The following MCTP1 variants were observed in gnomAD, a reference collection of about 807,000 sequenced individuals.
The protein encoded by MCTP1 is multiple C2 and transmembrane domain containing 1.
A neutral mutation model predicts 120.6 loss-of-function variants in MCTP1; 69 were observed. The observed-to-expected ratio is 0.57, with a 90% CI of 0.47 to 0.70. The LOEUF is 0.70. Ranked by LOEUF, MCTP1 falls within the 30% of genes least tolerant of loss-of-function variation. MCTP1 has a pLI of 0.00. For missense variants in MCTP1, 1,203 were observed against 1,248.8 expected (o/e 0.96, Z 0.55); for synonymous variants, 529 against 493.1 (o/e 1.07, Z -0.96).
At chr5:94,709,926 ATT>A (rs1216762944) in intron 21 of MCTP1, 1 of 152,042 alleles carries the variant, frequency 6.6e-6, no homozygotes, top group Non-Finnish European at 1.5e-5. Context: ...ATTCCAACAT[ATT>A]TCTTCAAAAG....
At chr5:94,852,387 G>C (rs145484966) in intron 17 of MCTP1, among the ~76,000 whole-genome samples, 98 of 151,824 alleles carry the variant, frequency 6.5e-4, no homozygotes, top group Middle Eastern at 6.8e-3. Flanking sequence ...TTTAGCTGGG[G>C]CAAATAAATT....
At chr5:95,140,946 C>T (rs1019588336) in intron 1 of MCTP1, among the ~76,000 whole-genome samples, 8 of 151,064 alleles carry the variant, frequency 5.3e-5, no homozygotes, top group Non-Finnish European at 8.8e-5. Context: ...TTATGCATCC[C>T]TTCTATGATC....
At chr5:95,276,305 C>A (rs554961094) in intron 1 of MCTP1, among the ~76,000 whole-genome samples, 2 of 125,830 alleles carry the variant, frequency 1.6e-5, no homozygotes, top group East Asian at 5.3e-4. Flanking sequence ...GTCGCCCAGG[C>A]TGGAATGCAG....
chr5:95,218,445 G>C (rs1189563519), intron 1 of MCTP1, among the ~76,000 whole-genome samples: 1 of 152,086 alleles, frequency 6.6e-6, no homozygotes, highest in South Asian at 2.1e-4. Flanking sequence ...AGTAATCTGG[G>C]ACATCATTTT....
At chr5:95,110,464 C>A (rs1757374392) in intron 1 of MCTP1, among the ~76,000 whole-genome samples, 1 of 151,936 alleles carries the variant, frequency 6.6e-6, no homozygotes, top group Non-Finnish European at 1.5e-5. Flanking sequence ...CAGCACAGTT[C>A]CAATATGGAA....
At chr5:95,253,840 T>C (rs1235090140) in intron 1 of MCTP1, among the ~76,000 whole-genome samples, 3 of 152,086 alleles carry the variant, frequency 2.0e-5, no homozygotes, top group African/African-American at 7.2e-5. Flanking sequence ...CATAATCCAG[T>C]ATTCTAGTAG....
At chr5:94,940,675 A>G (rs1817494846) in intron 4 of MCTP1, among the ~76,000 whole-genome samples, 1 of 148,196 alleles carries the variant, frequency 6.7e-6, no homozygotes, top group Non-Finnish European at 1.5e-5. Flanking sequence ...ATATGGGGTT[A>G]CAGTCTGACT....
chr5:95,151,173 G>T (rs1250164303), intron 1 of MCTP1, among the ~76,000 whole-genome samples: 2 of 139,654 alleles, frequency 1.4e-5, no homozygotes, highest in African/African-American at 5.3e-5. Context: ...TAGTAGAGAT[G>T]AGGTTTTGCC....
At chr5:94,970,559 T>C (rs1405871761) in intron 2 of MCTP1, among the ~76,000 whole-genome samples, 1 of 152,066 alleles carries the variant, frequency 6.6e-6, no homozygotes. Context: ...ATCCTAGATG[T>C]CATTTTTTCC....
chr5:95,079,628 C>G (rs1754420752), intron 1 of MCTP1, among the ~76,000 whole-genome samples: 1 of 152,032 alleles, frequency 6.6e-6, no homozygotes, highest in African/African-American at 2.4e-5. Context: ...AGGATTTATT[C>G]ATAAGATAGC....
chr5:94,773,009 C>T (rs949484248), intron 19 of MCTP1, among the ~76,000 whole-genome samples: 10 of 152,108 alleles, frequency 6.6e-5, no homozygotes, highest in African/African-American at 1.9e-4. Flanking sequence ...TGTAATGTTG[C>T]TATGATTCTA....
intron 1 of MCTP1, among the ~76,000 whole-genome samples, chr5:95,244,536 C>T (rs142567613): frequency 1.4e-4 from 22 of 152,370 alleles, no homozygotes; most frequent in Non-Finnish European, 3.2e-4. Context: ...CCTCCTATGC[C>T]TGGCTTGGCA....
Position 95,068,234 on chromosome 5 carries a change from T to A in MCTP1, c.721-50750A>T, listed in dbSNP as rs147742011. The stretch of plus-strand genomic sequence containing the variant: ...GGCAAGATAATGTCTTGGGTAGGGT[T>A]TTCTCTAAGAAATATCCAATGAGAG... On this transcript the variant is annotated intron_variant, in intron 1 of 22. Coordinates refer to ENST00000515393, the MANE Select transcript of MCTP1 (RefSeq NM_024717.7). Among the ~76,000 whole-genome samples, 364 of 152,188 alleles carry A rather than the reference T, an allele frequency of 2.4e-3. 1 individual carries two copies. Among genetic ancestry groups the A allele is most frequent in the African/African-American group, 8.4e-3 (350 of 41,502 alleles).
At chr5:95,020,587 A>G (rs1275854620) in intron 1 of MCTP1, among the ~76,000 whole-genome samples, 7 of 152,036 alleles carry the variant, frequency 4.6e-5, no homozygotes, top group African/African-American at 1.7e-4. Flanking sequence ...GTGGTCATAT[A>G]GAAACTATTA....
At chr5:94,823,043 T>A (rs1470107701) in intron 17 of MCTP1, among the ~76,000 whole-genome samples, 1 of 152,246 alleles carries the variant, frequency 6.6e-6, no homozygotes, top group Non-Finnish European at 1.5e-5. Context: ...GCAGGAGCTC[T>A]ATGGTTTAAT....
At chr5:95,277,060 G>C (rs970854072) in intron 1 of MCTP1, among the ~76,000 whole-genome samples, 4 of 152,106 alleles carry the variant, frequency 2.6e-5, no homozygotes, top group African/African-American at 9.7e-5. Context: ...CCAAGATCCA[G>C]GCAGAATTCA....
At chr5:94,849,030 A>T (rs1020523677) in intron 17 of MCTP1, among the ~76,000 whole-genome samples, 3 of 152,034 alleles carry the variant, frequency 2.0e-5, no homozygotes, top group African/African-American at 7.2e-5. Flanking sequence ...AAATACAATC[A>T]TTCAGAAACA....
chr5:94,783,098 A>G (rs1776918563), intron 18 of MCTP1, among the ~76,000 whole-genome samples: 1 of 152,086 alleles, frequency 6.6e-6, no homozygotes, highest in Non-Finnish European at 1.5e-5. Context: ...CACACAGTCG[A>G]GGAAGGTCTT....
At chr5:94,927,436 C>T (rs1327282466) in intron 6 of MCTP1, among the ~76,000 whole-genome samples, 1 of 151,828 alleles carries the variant, frequency 6.6e-6, no homozygotes, top group African/African-American at 2.4e-5. Flanking sequence ...TCAAAAATAC[C>T]GAGCATGTAC....
Sources: allele counts gnomAD v4.1 joint callset (sites outside exome capture counted in the v4.1 genomes callset), GRCh38; gene constraint gnomAD v4.1.1; transcripts MANE v1.5; gene names NCBI Gene and HGNC (gene_info 2026-07-23, HGNC 2026-07-21).